Variants in SIPA1L1 observed in about 807,000 individuals in gnomAD.
SIPA1L1 encodes signal induced proliferation associated 1 like 1.
A neutral mutation model predicts 162.7 loss-of-function variants in SIPA1L1; 26 were observed. The observed-to-expected ratio is 0.16, with a 90% CI of 0.12 to 0.22. The LOEUF is 0.22. Ranked by LOEUF, SIPA1L1 falls within the 10% of genes least tolerant of loss-of-function variation. The pLI is 1.00. For synonymous variants in SIPA1L1, 829 were observed against 837.4 expected (o/e 0.99, Z 0.17); for missense variants, 1,874 against 2,241.0 (o/e 0.84, Z 3.31).
intron 5 of SIPA1L1, among the ~76,000 whole-genome samples, chr14:71,616,324 C>T (rs1183031528): frequency 2.6e-5 from 4 of 152,144 alleles, no homozygotes; most frequent in South Asian, 4.1e-4. Flanking sequence ...TTGAGAAAGT[C>T]ATTGGTGACC....
chr14:71,486,452 C>T (rs1379539436), intron 2 of SIPA1L1, among the ~76,000 whole-genome samples: 1 of 152,222 alleles, frequency 6.6e-6, no homozygotes, highest in Non-Finnish European at 1.5e-5. Context: ...TTTCTGGAAT[C>T]TCTACTCATT....
intron 7 of SIPA1L1, among the ~76,000 whole-genome samples, chr14:71,626,088 T>G (rs1885753013): frequency 6.6e-6 from 1 of 152,204 alleles, no homozygotes; most frequent in Non-Finnish European, 1.5e-5. Context: ...ATTTTGAAAT[T>G]ATGGCCTTCC....
chr14:71,561,978 A>G (rs775873471), intron 4 of SIPA1L1, among the ~76,000 whole-genome samples: 1 of 152,202 alleles, frequency 6.6e-6, no homozygotes, highest in Non-Finnish European at 1.5e-5. Flanking sequence ...GTAACACAGT[A>G]TATTTTTTCA....
Position 71,588,856 on chromosome 14 carries a change from A to G in SIPA1L1, c.984A>G (p.Pro328=), listed in dbSNP as rs1311125713. The change falls in exon 5 of 24, where the codon CCA becomes CCG. Residue 328 remains proline, a synonymous_variant. Transcript: ENST00000381232. The surrounding 1 kb of genome is among the most constrained non-coding windows in gnomAD (Gnocchi z 4.3). The part of the protein sequence containing the change: ...SEDSVRPWTC[P]KCFAHYDVQS... ...ACTCTGTCAGGCCCTGGACATGTCCAAAGTGCTTTGCCCACTATGATGTCC... is the reference window on the plus strand; with the variant it reads ...ACTCTGTCAGGCCCTGGACATGTCCGAAGTGCTTTGCCCACTATGATGTCC... The G allele has an allele frequency of 2.1e-5, 34 of 1,614,034 alleles. No individual in the cohort carries two copies. Among genetic ancestry groups the G allele is most frequent in the Non-Finnish European group, 2.8e-5 (33 of 1,180,012 alleles).
At chr14:71,425,706 C>T (rs1044267652) in intron 2 of SIPA1L1, among the ~76,000 whole-genome samples, 1 of 151,928 alleles carries the variant, frequency 6.6e-6, no homozygotes, top group Non-Finnish European at 1.5e-5. Flanking sequence ...CTGTATATAC[C>T]TGTTAGTTCA....
intron 2 of SIPA1L1, among the ~76,000 whole-genome samples, chr14:71,473,525 G>A (rs896898848): frequency 3.9e-5 from 6 of 152,240 alleles, no homozygotes; most frequent in Admixed American, 3.9e-4. Flanking sequence ...TTCATTTCTA[G>A]CACTGTTCTT....
intron 5 of SIPA1L1, among the ~76,000 whole-genome samples, chr14:71,609,246 C>T (rs902240143): frequency 4.0e-5 from 6 of 151,894 alleles, no homozygotes; most frequent in South Asian, 4.2e-4. Context: ...GTGAAGCCTA[C>T]GAACTCTCCT....
intron 2 of SIPA1L1, among the ~76,000 whole-genome samples, chr14:71,438,728 C>CT (rs11403241): frequency 1 from 152,076 of 152,312 alleles, 75,920 homozygotes; most frequent in Middle Eastern, 1. Flanking sequence ...AGAGGGCCAT[C>CT]GGGAATCTGG....
intron 2 of SIPA1L1, among the ~76,000 whole-genome samples, chr14:71,454,101 A>G (rs1189232495): frequency 6.6e-6 from 1 of 151,722 alleles, no homozygotes; most frequent in Non-Finnish European, 1.5e-5. Context: ...GACTGAACAA[A>G]CCCTGTGTTC....
intron 4 of SIPA1L1, among the ~76,000 whole-genome samples, chr14:71,534,907 C>T (rs866222452): frequency 6.6e-6 from 1 of 152,166 alleles, no homozygotes; most frequent in South Asian, 2.1e-4. Context: ...TTGATGATCA[C>T]TTGGAATAAC....
intron 2 of SIPA1L1, among the ~76,000 whole-genome samples, chr14:71,373,926 T>C (rs1407059697): frequency 1.3e-5 from 2 of 152,048 alleles, no homozygotes; most frequent in Admixed American, 1.3e-4. Flanking sequence ...ATCCTTAGAC[T>C]CAGTTCACCC....
At chr14:71,703,692 A>G (rs1461018981) in intron 15 of SIPA1L1, among the ~76,000 whole-genome samples, 2 of 152,208 alleles carry the variant, frequency 1.3e-5, no homozygotes, top group Non-Finnish European at 2.9e-5. Flanking sequence ...CTTCTTCAGC[A>G]TGACTTTAGC....
chr14:71,693,656 T>C (rs2081408032), intron 13 of SIPA1L1, among the ~76,000 whole-genome samples: 1 of 152,114 alleles, frequency 6.6e-6, no homozygotes, highest in Admixed American at 6.5e-5. Flanking sequence ...TTGTTCAAAC[T>C]ACTCCGGTTA....
chr14:71,714,991 G>A (rs2083159236), intron 17 of SIPA1L1, among the ~76,000 whole-genome samples: 1 of 152,230 alleles, frequency 6.6e-6, no homozygotes, highest in Non-Finnish European at 1.5e-5. Flanking sequence ...GAGAATAAAT[G>A]TCTTTTTATG....
intron 8 of SIPA1L1, among the ~76,000 whole-genome samples, chr14:71,651,748 A>G (rs909710680): frequency 6.6e-6 from 1 of 152,194 alleles, no homozygotes; most frequent in Non-Finnish European, 1.5e-5. Flanking sequence ...CTGGGAGTTG[A>G]TAAGATTGTG....
chr14:71,706,860 C>T (rs972189369), intron 16 of SIPA1L1, among the ~76,000 whole-genome samples: 10 of 151,776 alleles, frequency 6.6e-5, no homozygotes, highest in East Asian at 3.9e-4. Flanking sequence ...ATGATGAAAC[C>T]GTCTCTACTA....
At position 71,671,482 on chromosome 14, in the gene SIPA1L1, A is replaced by G; in HGVS notation, c.2619A>G (p.Glu873=). The part of the protein sequence containing the change: ...VRAEDYNKAM[E]LDCLLGISNE... The stretch of plus-strand genomic sequence containing the variant: ...CTGAAGACTACAACAAGGCCATGGA[A>G]CTAGACTGCCTTTTAGGGATCTCCA... Residue 873 remains glutamate, a synonymous_variant, in exon 11 of 24, where the codon GAA becomes GAG. Coordinates refer to ENST00000381232, the MANE Select transcript of SIPA1L1 (RefSeq NM_001386936.1). 1 of 1,614,202 alleles carries G rather than the reference A, an allele frequency of 6.2e-7. No homozygotes were observed. The highest frequency in any genetic ancestry group is 8.5e-7 in the Non-Finnish European group (1 of 1,180,034).
At chr14:71,527,182 G>C (rs1181295286) in intron 3 of SIPA1L1, among the ~76,000 whole-genome samples, 3 of 152,078 alleles carry the variant, frequency 2.0e-5, no homozygotes, top group Admixed American at 6.6e-5. Context: ...CTAGGACAGA[G>C]TCTTGCTCTG....
intron 3 of SIPA1L1, among the ~76,000 whole-genome samples, chr14:71,520,733 C>T (rs919417937): frequency 1.5e-4 from 23 of 151,900 alleles, no homozygotes; most frequent in Non-Finnish European, 2.5e-4. Context: ...TGGAACTCCT[C>T]AATTATTATT....
Sources: gnomAD v4.1 joint callset for allele counts (sites outside exome capture counted in the v4.1 genomes callset) on GRCh38, gnomAD v4.1.1 for gene constraint, Gnocchi (gnomAD v3.1) non-coding constraint, MANE v1.5 for transcripts, NCBI Gene and HGNC (gene_info 2026-07-23, HGNC 2026-07-21) for gene names.